Variants in MTMR7 observed in about 807,000 individuals in gnomAD.
MTMR7 encodes myotubularin related protein 7, also known as phosphatidylinositol-3-phosphate phosphatase MTMR7.
A neutral mutation model predicts 81.2 loss-of-function variants in MTMR7; 76 were observed. The ratio of observed to expected loss-of-function variants is 0.94; its 90% CI spans 0.78 to 1.13. The LOEUF (loss-of-function observed/expected upper bound fraction) is 1.13, where lower values mean the gene tolerates loss of function less well. Among genes scored for constraint, MTMR7 ranks in the 50% most tolerant of loss-of-function variants. MTMR7 has a pLI of 0.00. For synonymous variants in MTMR7, 372 were observed against 289.8 expected (o/e 1.28, Z -2.88); for missense variants, 1,044 against 820.0 (o/e 1.27, Z -3.34).
intron 1 of MTMR7, among the ~76,000 whole-genome samples, chr8:17,378,884 T>G (rs1348659213): frequency 6.6e-6 from 1 of 152,146 alleles, no homozygotes; most frequent in East Asian, 1.9e-4. Context: ...TGTGATAAAT[T>G]TAGTCTTTAG....
In MTMR7 at chr8:17,311,513, T is replaced by G; in HGVS notation, c.1099A>C (p.Met367Leu). 6.2e-7 allele frequency: 1 copy of G among 1,614,116 alleles called. No homozygotes were observed. The highest frequency in any genetic ancestry group is 2.2e-5 in the East Asian group (1 of 44,872). ...DPHYRTLKGF[M>L]VLIEKDWISF... ...AATCGCCCAGTGGCCACACTCACCATGAAGCCCTTCAGAGTCCGGTAGTGA... is the reference window on the plus strand; with the variant it reads ...AATCGCCCAGTGGCCACACTCACCAGGAAGCCCTTCAGAGTCCGGTAGTGA... The change falls in exon 9 of 14, where the codon ATG (methionine) becomes CTG (leucine). Residue 367 changes from methionine to leucine, a missense_variant and splice_region_variant. Coordinates refer to ENST00000180173, the MANE Select transcript of MTMR7 (RefSeq NM_004686.5).
intron 4 of MTMR7, among the ~76,000 whole-genome samples, chr8:17,356,745 A>AGT (rs1819900901): frequency 6.6e-6 from 1 of 152,044 alleles, no homozygotes; most frequent in Admixed American, 6.6e-5. Context: ...CTTGGGTATC[A>AGT]GTGTGTGTGT....
chr8:17,380,297 C>T (rs758676827), intron 1 of MTMR7, among the ~76,000 whole-genome samples: 5 of 152,266 alleles, frequency 3.3e-5, no homozygotes, highest in African/African-American at 7.2e-5. Flanking sequence ...TTTTGATATT[C>T]GACATCCATG....
rs895239553 is a variant in MTMR7, at chr8:17,413,341, T to G, written c.-49A>C. Reference sequence around the variant, plus strand: ...CCGGGCGGGCGCGGCCTCACGCACCTGCGCGCCTCTGCGGCGCGATGGGAG... The same window carrying G: ...CCGGGCGGGCGCGGCCTCACGCACCGGCGCGCCTCTGCGGCGCGATGGGAG... On this transcript the variant is annotated 5_prime_UTR_variant, in exon 1 of 14. Transcript: ENST00000180173. The G allele has an allele frequency of 3.3e-6, 5 of 1,501,556 alleles. No homozygotes were observed. Among genetic ancestry groups the G allele is most frequent in the South Asian group, 1.3e-5 (1 of 78,832 alleles). The allele number at this position is 1,501,556 out of a possible 1,614,324, so 93.0% of individuals were successfully genotyped here.
chr8:17,405,541 A>C (rs1301714224), intron 1 of MTMR7, among the ~76,000 whole-genome samples: 1 of 152,174 alleles, frequency 6.6e-6, no homozygotes, highest in African/African-American at 2.4e-5. Flanking sequence ...TGTGAGGATG[A>C]CATTATCTTT....
intron 12 of MTMR7, among the ~76,000 whole-genome samples, chr8:17,303,479 G>T (rs1005336854): frequency 4.6e-5 from 7 of 152,120 alleles, no homozygotes; most frequent in African/African-American, 1.7e-4. Flanking sequence ...TGATGTTGCT[G>T]ACCTTTGAGT....
intron 4 of MTMR7, among the ~76,000 whole-genome samples, chr8:17,351,197 C>A (rs78465090): frequency 1.6e-4 from 25 of 152,224 alleles, no homozygotes; most frequent in African/African-American, 6.0e-4. Context: ...TACCTACATT[C>A]TTCCTTGTAA....
At chr8:17,306,145 C>T (rs929999721) in intron 10 of MTMR7, among the ~76,000 whole-genome samples, 188 bp from the exon 11 acceptor site, 6 of 152,104 alleles carry the variant, frequency 3.9e-5, no homozygotes, top group African/African-American at 7.2e-5. Context: ...TTTGTAGTGA[C>T]GGTCTGGATA....
chr8:17,413,164 C>G (rs1395667680), intron 1 of MTMR7, 105 bp downstream of exon 1: 33 of 1,345,588 alleles, frequency 2.5e-5, no homozygotes, highest in Non-Finnish European at 3.3e-5. Flanking sequence ...GGTCCAGGCT[C>G]CGCCGGTGCC....
At chr8:17,389,605 A>G (rs531856021) in intron 1 of MTMR7, among the ~76,000 whole-genome samples, 24 of 152,332 alleles carry the variant, frequency 1.6e-4, no homozygotes, top group African/African-American at 5.3e-4. Context: ...TAACAGTACT[A>G]TGGTAAAAAT....
intron 1 of MTMR7, among the ~76,000 whole-genome samples, chr8:17,381,867 G>T (rs180891066): frequency 3.9e-5 from 6 of 152,216 alleles, no homozygotes; most frequent in African/African-American, 1.4e-4. Flanking sequence ...GTATTTGTGA[G>T]TCAAGAGGCC....
At chr8:17,373,352 T>C (rs949402745) in intron 1 of MTMR7, 112 bp from the exon 2 acceptor site, 1 of 1,327,654 alleles carries the variant, frequency 7.5e-7, no homozygotes, top group African/African-American at 1.5e-5. Flanking sequence ...TTTTTGAGAA[T>C]TCCCCCAATA....
At chr8:17,368,597 C>T (rs188606618) in intron 3 of MTMR7, among the ~76,000 whole-genome samples, 93 of 152,276 alleles carry the variant, frequency 6.1e-4, no homozygotes, top group Admixed American at 3.3e-3. Context: ...ATGTCTAACC[C>T]CTTCCACATT....
At chr8:17,333,042 ACAG>A (rs1819094810) in intron 6 of MTMR7, among the ~76,000 whole-genome samples, 1 of 152,114 alleles carries the variant, frequency 6.6e-6, no homozygotes, top group Non-Finnish European at 1.5e-5. Flanking sequence ...AGTGAAAAAA[ACAG>A]CAGAGGATAA....
intron 1 of MTMR7, among the ~76,000 whole-genome samples, chr8:17,380,000 G>A (rs1820711605): frequency 6.6e-6 from 1 of 152,134 alleles, no homozygotes; most frequent in Non-Finnish European, 1.5e-5. Flanking sequence ...GAAGAGCTAG[G>A]TAATTAAGGA....
At chr8:17,376,975 G>C (rs1038443215) in intron 1 of MTMR7, among the ~76,000 whole-genome samples, 2 of 151,376 alleles carry the variant, frequency 1.3e-5, no homozygotes, top group Non-Finnish European at 2.9e-5. Context: ...TCACGACTAC[G>C]TAATTCATAC....
chr8:17,309,692 G>A (rs1052127867), intron 9 of MTMR7, among the ~76,000 whole-genome samples: 2 of 152,274 alleles, frequency 1.3e-5, no homozygotes, highest in South Asian at 4.1e-4. Context: ...ATTCGCCCAA[G>A]ATCATGCTAC....
chr8:17,322,950 C>CTTTT lies in MTMR7; in HGVS notation c.865+8196_865+8199dup, dbSNP rs58584179. 2.4e-5 allele frequency among the ~76,000 whole-genome samples: 3 copies of CTTTT among 125,762 alleles called. 1 individual carries two copies. The highest frequency in any genetic ancestry group is 3.2e-5 in the Non-Finnish European group (2 of 62,742). The allele number at this position is 125,762 out of a possible 152,430, so 82.5% of individuals were successfully genotyped here. On this transcript the variant is annotated intron_variant, in intron 7 of 13. Transcript: ENST00000180173. The stretch of plus-strand genomic sequence containing the variant: ...TCCCATCTAGAGTGGATTGAATTAT[C>CTTTT]TTTTTTTTTTTTTTTTTGAGACAGT...
intron 6 of MTMR7, among the ~76,000 whole-genome samples, chr8:17,340,015 G>T (rs11203844): frequency 1.3e-5 from 2 of 152,222 alleles, no homozygotes; most frequent in African/African-American, 4.8e-5. Context: ...GCAATGGCAC[G>T]ATCTCGGCTC....
Sources: gnomAD v4.1 joint callset for allele counts (sites outside exome capture counted in the v4.1 genomes callset) on GRCh38, gnomAD v4.1.1 for gene constraint, MANE v1.5 for transcripts, NCBI Gene and HGNC (gene_info 2026-07-23, HGNC 2026-07-21) for gene names.